Variants in ALK observed in about 807,000 individuals in gnomAD.
The protein encoded by ALK is ALK tyrosine kinase receptor.
A neutral mutation model predicts 163.1 loss-of-function variants in ALK; 74 were observed. The observed-to-expected ratio is 0.45, with a 90% CI of 0.38 to 0.55. The LOEUF (loss-of-function observed/expected upper bound fraction) is 0.55. ALK is among the 20% of genes least tolerant of loss of function. The pLI is 0.00. For missense variants in ALK, 2,063 were observed against 2,105.3 expected (o/e 0.98, Z 0.39); for synonymous variants, 960 against 843.2 (o/e 1.14, Z -2.40).
chr2:29,362,401 C>A, intron 5 of ALK, among the ~76,000 whole-genome samples: 1 of 152,152 alleles, frequency 6.6e-6, no homozygotes, highest in East Asian at 1.9e-4. Context: ...ATGGTTCTTG[C>A]ATACAAGGAG....
In ALK at chr2:29,622,471, G is replaced by A. The variant is rs560487597; in HGVS notation, c.952+72379C>T. On this transcript the variant is annotated intron_variant, in intron 3 of 28. Transcript: ENST00000389048. ...TTATTCACTATCACGAGAATAGCACGGGAAAGACCAGTCCCCATGATTCAC... is the reference window on the plus strand; with the variant it reads ...TTATTCACTATCACGAGAATAGCACAGGAAAGACCAGTCCCCATGATTCAC... Among the ~76,000 whole-genome samples, 10 of 152,260 alleles carry A rather than the reference G, an allele frequency of 6.6e-5. No individual in the cohort carries two copies. The Middle Eastern group carries it at 0.01, about 155-fold the overall frequency.
chr2:29,782,108 C>T (rs1178080562), intron 1 of ALK, among the ~76,000 whole-genome samples: 1 of 151,978 alleles, frequency 6.6e-6, no homozygotes, highest in Non-Finnish European at 1.5e-5. Context: ...GGAGGGGGGA[C>T]AATAATAGAA....
At chr2:29,815,926 T>C (rs943937091) in intron 1 of ALK, among the ~76,000 whole-genome samples, 2 of 152,186 alleles carry the variant, frequency 1.3e-5, no homozygotes, top group Admixed American at 6.5e-5. Context: ...AGGAGGCAAA[T>C]AGCTTTAATC....
intron 23 of ALK, among the ~76,000 whole-genome samples, chr2:29,215,424 G>A (rs1054509184): frequency 6.6e-6 from 1 of 152,190 alleles, no homozygotes; most frequent in Non-Finnish European, 1.5e-5. Context: ...ACAACTGAGA[G>A]TGGATAGTTC....
rs116339001 is a variant in ALK, at chr2:29,420,246, T to A, written c.1155-36387A>T. 4.1e-3 allele frequency among the ~76,000 whole-genome samples: 625 copies of A among 150,920 alleles called. 27 individuals carry two copies. Among genetic ancestry groups the A allele is most frequent in the African/African-American group, 0.015 (590 of 40,576 alleles). ...CAACTTTTGATTTTTAATGAACAATTAGGTTCAGATCTTCTCCAACTCCTG... is the reference window on the plus strand; with the variant it reads ...CAACTTTTGATTTTTAATGAACAATAAGGTTCAGATCTTCTCCAACTCCTG... On this transcript the variant is annotated intron_variant, in intron 4 of 28. Transcript: ENST00000389048.
At chr2:29,489,218 A>C (rs1020317094) in intron 4 of ALK, among the ~76,000 whole-genome samples, 4 of 152,198 alleles carry the variant, frequency 2.6e-5, no homozygotes, top group African/African-American at 9.7e-5. Flanking sequence ...GCTTGGCATG[A>C]TGTCTAGTAC....
intron 4 of ALK, among the ~76,000 whole-genome samples, chr2:29,467,389 C>T (rs1671239055): frequency 6.6e-6 from 1 of 152,186 alleles, no homozygotes; most frequent in African/African-American, 2.4e-5. Context: ...TGGCAGTGAA[C>T]AAGCCCTCAG....
At chr2:29,658,095 G>A (rs1396367172) in intron 3 of ALK, among the ~76,000 whole-genome samples, 1 of 152,096 alleles carries the variant, frequency 6.6e-6, no homozygotes, top group Non-Finnish European at 1.5e-5. Flanking sequence ...GTGTTCATCT[G>A]CTCCTCTCCT....
intron 1 of ALK, among the ~76,000 whole-genome samples, chr2:29,760,728 A>G (rs1350868435): frequency 1.3e-5 from 2 of 152,154 alleles, no homozygotes; most frequent in Non-Finnish European, 2.9e-5. Flanking sequence ...GATTACTACT[A>G]ATTTTTATTT....
chr2:29,521,173 G>C (rs1332308531), intron 4 of ALK, among the ~76,000 whole-genome samples: 1 of 152,186 alleles, frequency 6.6e-6, no homozygotes, highest in African/African-American at 2.4e-5. Context: ...CATCATTTGA[G>C]CTAAGTTGCC....
Position 29,920,682 on chromosome 2 carries a change from A to G in ALK, c.-23T>C. The G allele has an allele frequency of 2.6e-6, 4 of 1,529,114 alleles. No individual in the cohort carries two copies. Among genetic ancestry groups the G allele is most frequent in the Non-Finnish European group, 3.5e-6 (4 of 1,142,804 alleles). 94.7% of individuals were successfully genotyped at this position (1,529,114 alleles called of 1,614,324 possible). On this transcript the variant is annotated 5_prime_UTR_variant, in exon 1 of 29. Transcript: ENST00000389048. Reference sequence around the variant, plus strand: ...CATCCCGCCGGAGGAGGCCGTTTACACTGCTCTCCGGGCCCAGCCTCACCC... The same window carrying G: ...CATCCCGCCGGAGGAGGCCGTTTACGCTGCTCTCCGGGCCCAGCCTCACCC...
At chr2:29,908,707 T>A (rs563676897) in intron 1 of ALK, among the ~76,000 whole-genome samples, 44 of 152,374 alleles carry the variant, frequency 2.9e-4, no homozygotes, top group Non-Finnish European at 2.4e-4. Flanking sequence ...TTTAAGGGAA[T>A]GCTTTTGAGA....
intron 5 of ALK, among the ~76,000 whole-genome samples, chr2:29,354,177 A>G (rs1460762928): frequency 6.6e-6 from 1 of 152,160 alleles, no homozygotes; most frequent in Admixed American, 6.5e-5. Flanking sequence ...GTGTCTGAGG[A>G]GCACAGGATG....
intron 1 of ALK, among the ~76,000 whole-genome samples, chr2:29,909,510 GAGAGAGAGAA>G (rs1448948266): frequency 2.6e-5 from 4 of 151,138 alleles, no homozygotes; most frequent in African/African-American, 9.8e-5. Context: ...GAGAGAGAGA[GAGAGAGAGAA>G]TGCTCCACAA....
intron 3 of ALK, among the ~76,000 whole-genome samples, chr2:29,536,178 G>A (rs1673251095): frequency 6.6e-6 from 1 of 152,192 alleles, no homozygotes; most frequent in South Asian, 2.1e-4. Flanking sequence ...GTTTGGTTGT[G>A]TTTGTTCCTC....
At chr2:29,210,828 C>A (rs1471449924) in intron 24 of ALK, among the ~76,000 whole-genome samples, 2 of 152,174 alleles carry the variant, frequency 1.3e-5, no homozygotes, top group African/African-American at 4.8e-5. Context: ...CTGCTGTTGA[C>A]TATAGATGAC....
chr2:29,456,035 A>G (rs1362314784), intron 4 of ALK, among the ~76,000 whole-genome samples: 1 of 152,146 alleles, frequency 6.6e-6, no homozygotes, highest in African/African-American at 2.4e-5. Flanking sequence ...TTATCAATAA[A>G]CAACAACAAC....
At chr2:29,814,882 C>G (rs1664855628) in intron 1 of ALK, among the ~76,000 whole-genome samples, 1 of 151,668 alleles carries the variant, frequency 6.6e-6, no homozygotes, top group Non-Finnish European at 1.5e-5. Flanking sequence ...AACTAGTAAA[C>G]TGTCAGTGCA....
intron 3 of ALK, among the ~76,000 whole-genome samples, chr2:29,542,408 A>C (rs1186386215): frequency 6.6e-6 from 1 of 152,124 alleles, no homozygotes; most frequent in Non-Finnish European, 1.5e-5. Flanking sequence ...TATTATTCTG[A>C]AATTTCTTTT....
Sources: gnomAD v4.1 joint callset for allele counts (sites outside exome capture counted in the v4.1 genomes callset) on GRCh38, gnomAD v4.1.1 for gene constraint, MANE v1.5 for transcripts, NCBI Gene and HGNC (gene_info 2026-07-23, HGNC 2026-07-21) for gene names.